The following KIAA0513 variants were observed in gnomAD, a reference collection of about 807,000 sequenced individuals.
KIAA0513 encodes the protein KIAA0513, also known as uncharacterized protein KIAA0513.
Under a neutral mutation model 56.5 loss-of-function variants are expected in KIAA0513, and 39 were observed. That is an observed-to-expected ratio of 0.69 (90% CI 0.53 to 0.90). KIAA0513 has a LOEUF of 0.90. Among genes scored for constraint, KIAA0513 ranks in the 40% least tolerant of loss-of-function variants. The pLI is 0.00. For missense variants in KIAA0513, 591 were observed against 535.2 expected (o/e 1.10, Z -1.03); for synonymous variants, 268 against 215.6 (o/e 1.24, Z -2.13).
chr16:85,050,459 C>A (rs1326777925), intron 1 of KIAA0513, among the ~76,000 whole-genome samples: 2 of 151,962 alleles, frequency 1.3e-5, no homozygotes, highest in African/African-American at 4.8e-5. Context: ...AAGCCATTCT[C>A]CTGCCTCAGC....
At chr16:85,044,538 C>T (rs1369365620) in intron 1 of KIAA0513, among the ~76,000 whole-genome samples, 8 of 150,214 alleles carry the variant, frequency 5.3e-5, no homozygotes, top group African/African-American at 1.5e-4. Flanking sequence ...GACAGAGACT[C>T]GCCCTGTCGC....
At chr16:85,049,854 G>C (rs1294686558) in intron 1 of KIAA0513, among the ~76,000 whole-genome samples, 2 of 152,184 alleles carry the variant, frequency 1.3e-5, no homozygotes, top group African/African-American at 4.8e-5. Flanking sequence ...CATCTCTTAG[G>C]GAGCCTCTCC....
intron 1 of KIAA0513, among the ~76,000 whole-genome samples, chr16:85,051,480 C>G (rs936864093): frequency 1.3e-5 from 2 of 152,184 alleles, no homozygotes; most frequent in Non-Finnish European, 2.9e-5. Context: ...TGTTAACAAG[C>G]AGACATCCCC....
intron 1 of KIAA0513, among the ~76,000 whole-genome samples, chr16:85,056,734 C>T (rs759257775): frequency 8.5e-5 from 13 of 152,200 alleles, no homozygotes; most frequent in Non-Finnish European, 1.5e-4. Context: ...GGGTCTCACT[C>T]TGTCACCCAG....
chr16:85,065,048 A>G (rs1234583405), intron 1 of KIAA0513, among the ~76,000 whole-genome samples: 5 of 152,230 alleles, frequency 3.3e-5, no homozygotes, highest in Non-Finnish European at 7.3e-5. Flanking sequence ...GTTAGAATAT[A>G]GACTTTTTAG....
rs2073837337 is a variant in KIAA0513, at chr16:85,088,692, A to T, written c.*367A>T. 1 of 224,682 alleles carries T rather than the reference A, an allele frequency of 4.5e-6. No individual in the cohort carries two copies. Among genetic ancestry groups the T allele is most frequent in the Non-Finnish European group, 8.8e-6 (1 of 113,284 alleles). The allele number at this position is 224,682 out of a possible 1,614,324, so 13.9% of individuals were successfully genotyped here. ...GGCGGGCAAGGGATGCAGGCAGGACAGCCATGAGGTGGGGCTGCAGCCGGC... is the reference window on the plus strand; with the variant it reads ...GGCGGGCAAGGGATGCAGGCAGGACTGCCATGAGGTGGGGCTGCAGCCGGC... On this transcript the variant is annotated 3_prime_UTR_variant, in exon 13 of 13. Coordinates refer to ENST00000683363, the MANE Select transcript of KIAA0513 (RefSeq NM_001388359.1).
intron 10 of KIAA0513, among the ~76,000 whole-genome samples, chr16:85,085,199 G>A (rs1040057028): frequency 4.9e-4 from 75 of 152,366 alleles, no homozygotes; most frequent in African/African-American, 1.7e-3. Context: ...AAGGAAATGG[G>A]ATGGGACTCT....
At chr16:85,030,433 G>A (rs1001746531) in intron 1 of KIAA0513, among the ~76,000 whole-genome samples, 1 of 152,104 alleles carries the variant, frequency 6.6e-6, no homozygotes, top group Non-Finnish European at 1.5e-5. Flanking sequence ...TATGCATTAT[G>A]GTGACACTTA....
At chr16:85,049,315 G>T (rs2073214942) in intron 1 of KIAA0513, among the ~76,000 whole-genome samples, 1 of 152,236 alleles carries the variant, frequency 6.6e-6, no homozygotes, top group Non-Finnish European at 1.5e-5. Flanking sequence ...ACAGCTGTTA[G>T]CTTTGGCCCT....
At chr16:85,088,218 A>C in intron 12 of KIAA0513, 58 bp from the exon 13 acceptor site, 2 of 1,499,218 alleles carry the variant, frequency 1.3e-6, no homozygotes, top group Non-Finnish European at 1.9e-6. Flanking sequence ...CAAGAGCAGG[A>C]TATACCTGTC....
chr16:85,044,692 A>T (rs2073148129), intron 1 of KIAA0513, among the ~76,000 whole-genome samples: 1 of 151,794 alleles, frequency 6.6e-6, no homozygotes, highest in Non-Finnish European at 1.5e-5. Flanking sequence ...CTTTTAGTAG[A>T]GACGGGGGTT....
intron 8 of KIAA0513, 92 bp downstream of exon 8, chr16:85,079,095 C>G: frequency 1.3e-6 from 2 of 1,593,038 alleles, no homozygotes; most frequent in Non-Finnish European, 1.7e-6. Context: ...TTGTCCCCAT[C>G]AGAATGGCAG....
At chr16:85,053,213 G>A (rs542392792) in intron 1 of KIAA0513, among the ~76,000 whole-genome samples, 2 of 152,202 alleles carry the variant, frequency 1.3e-5, no homozygotes, top group East Asian at 1.9e-4. Context: ...AGATAACCTC[G>A]CTAGTCATTT....
At chr16:85,075,159 T>C (rs1482612998) in intron 4 of KIAA0513, among the ~76,000 whole-genome samples, 1 of 140,252 alleles carries the variant, frequency 7.1e-6, no homozygotes, top group African/African-American at 2.6e-5. Context: ...TTTAGTCTTT[T>C]ATAGTTTTAT....
intron 1 of KIAA0513, among the ~76,000 whole-genome samples, chr16:85,055,695 A>C (rs979773721): frequency 2.6e-5 from 4 of 152,096 alleles, no homozygotes; most frequent in Admixed American, 2.0e-4. Flanking sequence ...AATCTGTTGC[A>C]CAGAATCCGC....
At chr16:85,050,733 A>G (rs768377631) in intron 1 of KIAA0513, among the ~76,000 whole-genome samples, 6 of 152,150 alleles carry the variant, frequency 3.9e-5, no homozygotes, top group Non-Finnish European at 7.4e-5. Context: ...AGCCTTGTGC[A>G]TTGTTGCTGA....
intron 1 of KIAA0513, among the ~76,000 whole-genome samples, chr16:85,046,620 G>A (rs914908425): frequency 6.6e-6 from 1 of 152,240 alleles, no homozygotes. Flanking sequence ...TACACACTGA[G>A]AGGGAACCTA....
chr16:85,030,733 G>C (rs2072953003), intron 1 of KIAA0513, among the ~76,000 whole-genome samples: 1 of 143,486 alleles, frequency 7.0e-6, no homozygotes, highest in African/African-American at 2.6e-5. Flanking sequence ...GACAGAGAAA[G>C]ACTCCATCTA....
chr16:85,054,289 C>T (rs1333272935), intron 1 of KIAA0513, among the ~76,000 whole-genome samples: 1 of 152,110 alleles, frequency 6.6e-6, no homozygotes, highest in Admixed American at 6.6e-5. Flanking sequence ...CACCTTGGTC[C>T]ATAAGAAAGA....
Sources: gnomAD v4.1 joint callset for allele counts (sites outside exome capture counted in the v4.1 genomes callset) on GRCh38, gnomAD v4.1.1 for gene constraint, MANE v1.5 for transcripts, NCBI Gene and HGNC (gene_info 2026-07-23, HGNC 2026-07-21) for gene names.